The following LRMDA variants were observed in gnomAD, a reference collection of about 807,000 sequenced individuals.
LRMDA encodes leucine-rich melanocyte differentiation-associated protein.
In LRMDA, 18 loss-of-function variants were observed where a neutral mutation model predicts 29.8. The ratio of observed to expected loss-of-function variants is 0.60; its 90% CI spans 0.42 to 0.90. The LOEUF is 0.90. LRMDA is among the 40% of genes least tolerant of loss of function. LRMDA has a pLI of 0.00. For synonymous variants in LRMDA, 125 were observed against 109.4 expected, an observed-to-expected ratio of 1.14 and a Z score of -0.89; for missense variants, 273 against 273.9, an observed-to-expected ratio of 1.00 and a Z score of 0.02.
rs1229883955 is a variant in LRMDA at position 75,915,895 on chromosome 10, A to G, written c.132-120113A>G. Among the ~76,000 whole-genome samples the G allele has an allele frequency of 2.6e-5, 4 of 152,172 alleles. No homozygotes were observed. The South Asian group carries it at 6.2e-4, about 24-fold the overall frequency. ...TGGCCACCGTTCCTGTGGACTGAAT[A>G]CTTAATGAGGGAGTGGTCCTACCTC... On this transcript the variant is annotated intron_variant, in intron 2 of 6. Coordinates refer to ENST00000611255, the MANE Select transcript of LRMDA (RefSeq NM_001305581.2).
chr10:75,918,813 A>G (rs919279602), intron 2 of LRMDA, among the ~76,000 whole-genome samples: 6 of 152,182 alleles, frequency 3.9e-5, no homozygotes, highest in Admixed American at 3.9e-4. Flanking sequence ...AACCTGCCCC[A>G]TTCTTGCCTT....
intron 2 of LRMDA, among the ~76,000 whole-genome samples, chr10:75,796,689 C>T (rs1033447550): frequency 6.6e-6 from 1 of 152,202 alleles, no homozygotes; most frequent in African/African-American, 2.4e-5. Context: ...TCTCCTGCCT[C>T]AGCCTCCCAG....
intron 2 of LRMDA, among the ~76,000 whole-genome samples, chr10:76,007,033 C>CGTGTGTGTGT (rs1223969205): frequency 3.2e-5 from 1 of 31,672 alleles, no homozygotes; most frequent in South Asian, 1.0e-3. Flanking sequence ...TGTGTGTGTG[C>CGTGTGTGTGT]GCGTGTGTGT....
At chr10:76,435,337 C>T (rs1253710792) in intron 6 of LRMDA, among the ~76,000 whole-genome samples, 2 of 152,094 alleles carry the variant, frequency 1.3e-5, no homozygotes, top group Non-Finnish European at 2.9e-5. Context: ...TGTTCTCACC[C>T]CAAGTTTCTC....
Position 75,625,396 on chromosome 10 carries a change from A to T in LRMDA, c.131+186902A>T, listed in dbSNP as rs146006870. The stretch of plus-strand genomic sequence containing the variant: ...CACAGGATTCAAATCAAGGCCATAA[A>T]GCCCGAGAGTCCGTTTCTGTCTTTT... On this transcript the variant is annotated intron_variant, in intron 2 of 6. Transcript: ENST00000611255. Among the ~76,000 whole-genome samples the T allele has an allele frequency of 1.4e-3, 209 of 152,316 alleles. 1 individual carries two copies. Among genetic ancestry groups the T allele is most frequent in the African/African-American group, 4.8e-3 (198 of 41,574 alleles).
chr10:75,888,089 C>T (rs1247072743), intron 2 of LRMDA, among the ~76,000 whole-genome samples: 2 of 152,166 alleles, frequency 1.3e-5, no homozygotes, highest in Non-Finnish European at 2.9e-5. Context: ...CTAATGGTCA[C>T]TCTCGATAAG....
intron 2 of LRMDA, among the ~76,000 whole-genome samples, chr10:75,520,104 C>T (rs1002368462): frequency 1.3e-5 from 2 of 152,240 alleles, no homozygotes; most frequent in Middle Eastern, 3.4e-3. Flanking sequence ...CTCTGGCTGC[C>T]CTTAACATTT....
intron 2 of LRMDA, among the ~76,000 whole-genome samples, chr10:75,490,806 G>A (rs537624699): frequency 2.6e-5 from 4 of 152,300 alleles, no homozygotes; most frequent in Middle Eastern, 3.4e-3. Context: ...TTTGAATTAT[G>A]GGTATCACTA....
At chr10:75,754,747 G>A (rs369433922) in intron 2 of LRMDA, among the ~76,000 whole-genome samples, 2 of 150,838 alleles carry the variant, frequency 1.3e-5, no homozygotes, top group African/African-American at 2.4e-5. Flanking sequence ...CCTTTTCCCC[G>A]TTTCCTTCAT....
At chr10:75,961,043 G>A (rs978217624) in intron 2 of LRMDA, among the ~76,000 whole-genome samples, 2 of 152,196 alleles carry the variant, frequency 1.3e-5, no homozygotes, top group African/African-American at 4.8e-5. Flanking sequence ...GAGGATACCT[G>A]ATGGGAAGGA....
intron 6 of LRMDA, among the ~76,000 whole-genome samples, chr10:76,374,334 G>A (rs774221216): frequency 4.6e-5 from 7 of 152,166 alleles, no homozygotes; most frequent in Admixed American, 6.5e-5. Flanking sequence ...AAATGAAGAT[G>A]ATTATTATAC....
At chr10:76,553,662 T>G (rs1843521738) in intron 6 of LRMDA, among the ~76,000 whole-genome samples, 1 of 152,230 alleles carries the variant, frequency 6.6e-6, no homozygotes, top group Non-Finnish European at 1.5e-5. Flanking sequence ...TTGCTTTTCC[T>G]GGTTAATTTT....
chr10:75,826,521 A>C (rs1277516083), intron 2 of LRMDA, among the ~76,000 whole-genome samples: 1 of 152,190 alleles, frequency 6.6e-6, no homozygotes. Flanking sequence ...AATTGGTTTT[A>C]AGATTCTGGG....
At chr10:76,343,436 C>T (rs11001735) in intron 6 of LRMDA, among the ~76,000 whole-genome samples, 1 of 152,072 alleles carries the variant, frequency 6.6e-6, no homozygotes, top group African/African-American at 2.4e-5. Context: ...GTCCAAGTAA[C>T]ATTTATTCCA....
chr10:76,503,573 C>T (rs1381274651), intron 6 of LRMDA, among the ~76,000 whole-genome samples: 2 of 151,420 alleles, frequency 1.3e-5, no homozygotes, highest in Non-Finnish European at 3.0e-5. Context: ...TATGTTTCCA[C>T]GAATTTATCC....
chr10:76,363,208 G>GGGAGGGAGGGAGGGAA (rs1424739644), intron 6 of LRMDA, among the ~76,000 whole-genome samples: 1 of 11,692 alleles, frequency 8.6e-5, no homozygotes, highest in African/African-American at 3.8e-4. Context: ...GAGGGAGGGA[G>GGGAGGGAGGGAGGGAA]GGAAGGAAGA....
At chr10:76,299,966 C>T (rs1381155131) in intron 5 of LRMDA, among the ~76,000 whole-genome samples, 1 of 152,160 alleles carries the variant, frequency 6.6e-6, no homozygotes, top group African/African-American at 2.4e-5. Context: ...CTAACTTCAA[C>T]CCAATCTCTA....
intron 2 of LRMDA, among the ~76,000 whole-genome samples, chr10:75,761,883 C>T (rs1473424442): frequency 7.9e-5 from 12 of 151,428 alleles, no homozygotes; most frequent in African/African-American, 2.7e-4. Flanking sequence ...TCACTGCCAC[C>T]TCTGCATCCC....
chr10:75,435,923 A>G (rs923773623), intron 1 of LRMDA, among the ~76,000 whole-genome samples: 1 of 152,170 alleles, frequency 6.6e-6, no homozygotes, highest in African/African-American at 2.4e-5. Flanking sequence ...TTTGCTGATC[A>G]AGAAAACTCA....
Sources: allele counts gnomAD v4.1 joint callset (sites outside exome capture counted in the v4.1 genomes callset), GRCh38; gene constraint gnomAD v4.1.1; transcripts MANE v1.5; gene names NCBI Gene and HGNC (gene_info 2026-07-23, HGNC 2026-07-21).